The following ERG variants were observed in gnomAD, a reference collection of about 807,000 sequenced individuals.
ERG encodes transcriptional regulator ERG.
In ERG, 9 loss-of-function variants were observed where a neutral mutation model predicts 55.3. The ratio of observed to expected loss-of-function variants is 0.16; its 90% CI spans 0.10 to 0.28. ERG has a LOEUF of 0.28. Among genes scored for constraint, ERG ranks in the 10% least tolerant of loss-of-function variants. ERG has a pLI of 1.00. For synonymous variants in ERG, 223 were observed against 237.3 expected (o/e 0.94, Z 0.55); for missense variants, 434 against 631.6 (o/e 0.69, Z 3.35).
At chr21:38,647,605 G>T (rs1241983394) in intron 1 of ERG, among the ~76,000 whole-genome samples, 1 of 152,170 alleles carries the variant, frequency 6.6e-6, no homozygotes, top group African/African-American at 2.4e-5. Context: ...TGAAAAAAAA[G>T]GTTGAAAAAC....
rs534427978 is a variant in ERG at position 38,471,876 on chromosome 21, G to T, written c.19-26255C>A. 4.6e-5 allele frequency: 7 copies of T among 152,220 alleles called. No homozygotes were observed. The South Asian group carries it at 1.5e-3, about 32-fold the overall frequency. The allele number at this position is 152,220 out of a possible 1,614,324, so 9.4% of individuals were successfully genotyped here. A position where few individuals can be genotyped will look rare whatever the true frequency, so the allele number is the denominator to read the frequency against. On this transcript the variant is annotated intron_variant, in intron 1 of 9. Transcript: ENST00000288319. Reference sequence around the variant, plus strand: ...TTTGTGGAAAATACGGTTTAGATTGGGAAGGTTAATTACTTTCAGGTTTTT... The same window carrying T: ...TTTGTGGAAAATACGGTTTAGATTGTGAAGGTTAATTACTTTCAGGTTTTT...
the ERG span, among the ~76,000 whole-genome samples, chr21:38,368,957 T>C: frequency 1.3e-5 from 2 of 152,244 alleles, no homozygotes; most frequent in Non-Finnish European, 2.9e-5. Context: ...TCATTCTTTT[T>C]ATGGTTACAT....
rs2059031868 is a variant in ERG, at chr21:38,460,480, TATGCC to T, written c.19-14864_19-14860del. Among the ~76,000 whole-genome samples, 1 of 152,240 alleles carries T rather than the reference TATGCC, an allele frequency of 6.6e-6. No homozygotes were observed. Among genetic ancestry groups the T allele is most frequent in the Non-Finnish European group, 1.5e-5 (1 of 68,036 alleles). On this transcript the variant is annotated intron_variant, in intron 1 of 9. Coordinates refer to ENST00000288319, the MANE Select transcript of ERG (RefSeq NM_182918.4). This position sits in a 1 kb window ranked among gnomAD's most constrained non-coding sequence, Gnocchi z 5.0. The stretch of plus-strand genomic sequence containing the variant: ...ATGTGATGAGAATGCATATATTGCA[TATGCC>T]ATGTGTACACCAAAAGCCACACCTA...
At chr21:38,496,510 C>G (rs1244345471) in intron 1 of ERG, among the ~76,000 whole-genome samples, 1 of 151,992 alleles carries the variant, frequency 6.6e-6, no homozygotes, top group Non-Finnish European at 1.5e-5. Flanking sequence ...AGAAACATGT[C>G]TTAAAGGAAG....
At chr21:38,555,153 C>T (rs1183118244) in intron 2 of ERG, among the ~76,000 whole-genome samples, 2 of 151,974 alleles carry the variant, frequency 1.3e-5, no homozygotes, top group Non-Finnish European at 2.9e-5. Flanking sequence ...ATAGTGAAAC[C>T]TCGTCTCTAC....
intron 1 of ERG, among the ~76,000 whole-genome samples, chr21:38,610,848 G>A (rs1313781866): frequency 6.6e-6 from 1 of 152,164 alleles, no homozygotes; most frequent in Admixed American, 6.5e-5. Context: ...CTGCTTCACC[G>A]CACTGGCCAA....
At chr21:38,458,563 CGCAATATTTATCCAA>C (rs1329043515) in intron 1 of ERG, among the ~76,000 whole-genome samples, 2 of 152,074 alleles carry the variant, frequency 1.3e-5, no homozygotes, top group East Asian at 1.9e-4. Context: ...AATGCACTTT[CGCAATATTTATCCAA>C]GCAATATTTA....
At chr21:38,479,410 C>T (rs889221611) in intron 1 of ERG, among the ~76,000 whole-genome samples, 1 of 152,170 alleles carries the variant, frequency 6.6e-6, no homozygotes, top group Non-Finnish European at 1.5e-5. Context: ...CAATTCACGT[C>T]CACCTGGAAC....
Position 38,640,882 on chromosome 21 carries a change from T to C in ERG, c.-150+20776A>G, listed in dbSNP as rs112085188. 3.7e-3 allele frequency among the ~76,000 whole-genome samples: 556 copies of C among 152,150 alleles called. 1 individual carries two copies. Among genetic ancestry groups the C allele is most frequent in the Non-Finnish European group, 5.2e-3 (353 of 67,996 alleles). ...TAGGAAAGGGGGCTCTCTGGGAAAA[T>C]GGAAGGCAGAGAACTGCTATTTTTC... On this transcript the variant is annotated intron_variant, in intron 1 of 10. Transcript: ENST00000398910.
chr21:38,571,587 A>G (rs545966714), intron 2 of ERG, among the ~76,000 whole-genome samples: 66 of 152,276 alleles, frequency 4.3e-4, no homozygotes, highest in African/African-American at 1.6e-3. Flanking sequence ...AAAGAAAGGG[A>G]AATCAAATTA....
intron 2 of ERG, among the ~76,000 whole-genome samples, chr21:38,513,650 A>G (rs1452237331): frequency 1.3e-5 from 2 of 152,206 alleles, no homozygotes; most frequent in Non-Finnish European, 2.9e-5. Flanking sequence ...TGGTTCTGCA[A>G]ATAAAACAGA....
intron 1 of ERG, among the ~76,000 whole-genome samples, chr21:38,600,497 G>T (rs2060158311): frequency 6.6e-6 from 1 of 152,158 alleles, no homozygotes; most frequent in African/African-American, 2.4e-5. Flanking sequence ...CAATGAAGGG[G>T]CCCAGAGGGG....
intron 1 of ERG, among the ~76,000 whole-genome samples, chr21:38,453,987 C>A (rs1354941323): frequency 6.6e-6 from 1 of 151,638 alleles, no homozygotes. Context: ...TGGAAACCTC[C>A]TGTTTGTATG....
intron 2 of ERG, among the ~76,000 whole-genome samples, chr21:38,558,287 C>A (rs1206871188): frequency 6.6e-6 from 1 of 152,160 alleles, no homozygotes; most frequent in Admixed American, 6.5e-5. Context: ...TGAGATTTCC[C>A]AGCCTGAAAC....
At chr21:38,404,665 T>C (rs73434926) in intron 3 of ERG, among the ~76,000 whole-genome samples, 6,374 of 152,260 alleles carry the variant, frequency 0.042, 427 homozygotes, top group African/African-American at 0.14. Context: ...TTTCTGGACC[T>C]TGCTGTGGGC....
intron 2 of ERG, among the ~76,000 whole-genome samples, chr21:38,554,559 G>A (rs1052845513): frequency 6.6e-6 from 1 of 152,250 alleles, no homozygotes; most frequent in South Asian, 2.1e-4. Flanking sequence ...TCCTAAGGGA[G>A]TTAACACAGG....
At chr21:38,536,823 GC>G (rs2059714133) in intron 2 of ERG, among the ~76,000 whole-genome samples, 1 of 152,062 alleles carries the variant, frequency 6.6e-6, no homozygotes, top group Non-Finnish European at 1.5e-5. Flanking sequence ...TTAAGTCTTC[GC>G]ATAACCAAAA....
chr21:38,557,574 T>C (rs769850507), intron 2 of ERG, among the ~76,000 whole-genome samples: 10 of 152,192 alleles, frequency 6.6e-5, no homozygotes, highest in Non-Finnish European at 1.3e-4. Context: ...AACTAATATA[T>C]GTGTATGTTT....
intron 9 of ERG, among the ~76,000 whole-genome samples, chr21:38,385,733 C>G (rs1054433067): frequency 6.6e-6 from 1 of 152,146 alleles, no homozygotes; most frequent in Admixed American, 6.5e-5. Context: ...AGTTTTGTTG[C>G]CTCCAACATT....
Sources: gnomAD v4.1 joint callset for allele counts (sites outside exome capture counted in the v4.1 genomes callset) on GRCh38, gnomAD v4.1.1 for gene constraint, Gnocchi (gnomAD v3.1) non-coding constraint, MANE v1.5 for transcripts, NCBI Gene and HGNC (gene_info 2026-07-23, HGNC 2026-07-21) for gene names.